DLG2: variants seen among roughly 807,000 people sequenced by gnomAD.
DLG2 encodes disks large homolog 2.
A neutral mutation model predicts 132.5 loss-of-function variants in DLG2; 45 were observed. That is an observed-to-expected ratio of 0.34 (90% CI 0.27 to 0.44). The LOEUF (loss-of-function observed/expected upper bound fraction) is 0.44, where lower values mean the gene tolerates loss of function less well. Ranked by LOEUF, DLG2 falls within the 20% of genes least tolerant of loss-of-function variation. The probability of loss-of-function intolerance (pLI) is 1.00; values close to 1 mark genes in which losing one functional copy is unlikely to be tolerated. For missense variants in DLG2, 1,045 were observed against 1,196.9 expected (o/e 0.87, Z 1.87); for synonymous variants, 424 against 419.6 (o/e 1.01, Z -0.13).
intron 7 of DLG2, among the ~76,000 whole-genome samples, chr11:84,425,531 T>G (rs1456112472): frequency 1.3e-5 from 2 of 152,158 alleles, no homozygotes; most frequent in African/African-American, 4.8e-5. Flanking sequence ...TTGTAAATTC[T>G]ACATATACAT....
intron 7 of DLG2, among the ~76,000 whole-genome samples, chr11:84,353,799 T>C (rs2098595828): frequency 6.6e-6 from 1 of 152,150 alleles, no homozygotes; most frequent in South Asian, 2.1e-4. Flanking sequence ...CTGATTCCTC[T>C]GTTTGTAACA....
chr11:84,539,514 G>T lies in DLG2; in HGVS notation c.358-4783C>A, dbSNP rs78606702. On this transcript the variant is annotated intron_variant, in intron 6 of 27. Coordinates refer to ENST00000376104, the MANE Select transcript of DLG2 (RefSeq NM_001142699.3). The stretch of plus-strand genomic sequence containing the variant: ...GCCATTGGCAGAAGGCCTCTGTATT[G>T]CAGTCTGTGCTTTCTTCTTTTTCTC... Among the ~76,000 whole-genome samples the T allele has an allele frequency of 5.9e-5, 9 of 152,256 alleles. No individual in the cohort carries two copies. In the East Asian group the frequency reaches 1.5e-3, roughly 26 times the overall value.
At chr11:83,489,519 T>C (rs541116987) in intron 21 of DLG2, among the ~76,000 whole-genome samples, 1 of 151,854 alleles carries the variant, frequency 6.6e-6, no homozygotes, top group Admixed American at 6.6e-5. Flanking sequence ...ACCAAACCCA[T>C]CTGTGATACT....
intron 16 of DLG2, among the ~76,000 whole-genome samples, chr11:83,836,198 G>A (rs1439196618): frequency 6.6e-6 from 1 of 152,118 alleles, no homozygotes; most frequent in Non-Finnish European, 1.5e-5. Context: ...TGGATTAGAT[G>A]AGGATCACAC....
chr11:84,983,839 G>T (rs1179519747), intron 6 of DLG2, among the ~76,000 whole-genome samples: 3 of 152,144 alleles, frequency 2.0e-5, no homozygotes, highest in Admixed American at 6.5e-5. Context: ...TGCATTTATA[G>T]AAATGCAAAA....
Position 85,419,212 on chromosome 11 carries a change from G to C in DLG2, c.41-133847C>G, listed in dbSNP as rs571289568. On this transcript the variant is annotated intron_variant, in intron 3 of 27. Transcript: ENST00000376104. Reference sequence around the variant, plus strand: ...AGTTTGGCTACATATGAAATTCTGGGTTGAAAATTATTTTCTTTAAGAGTG... The same window carrying C: ...AGTTTGGCTACATATGAAATTCTGGCTTGAAAATTATTTTCTTTAAGAGTG... 9.2e-5 allele frequency among the ~76,000 whole-genome samples: 14 copies of C among 152,218 alleles called. 1 individual carries two copies. Among genetic ancestry groups the C allele is most frequent in the African/African-American group, 3.1e-4 (13 of 41,544 alleles).
chr11:85,380,765 A>G (rs1293910546), intron 3 of DLG2, among the ~76,000 whole-genome samples: 1 of 152,226 alleles, frequency 6.6e-6, no homozygotes, highest in African/African-American at 2.4e-5. Context: ...ATTGAAGGCC[A>G]GTTTATTTCT....
chr11:85,126,066 A>G (rs1319094178), intron 5 of DLG2, among the ~76,000 whole-genome samples: 1 of 152,200 alleles, frequency 6.6e-6, no homozygotes, highest in Non-Finnish European at 1.5e-5. Context: ...ATGGTCATCT[A>G]GAAAAAAAAA....
At chr11:85,149,000 T>A (rs2077047764) in intron 5 of DLG2, among the ~76,000 whole-genome samples, 1 of 152,200 alleles carries the variant, frequency 6.6e-6, no homozygotes, top group African/African-American at 2.4e-5. Flanking sequence ...ATTTATTAAA[T>A]ACGGAATCCT....
At chr11:85,253,748 C>T (rs534021053) in intron 4 of DLG2, among the ~76,000 whole-genome samples, 122 of 152,152 alleles carry the variant, frequency 8.0e-4, no homozygotes, top group African/African-American at 2.9e-3. Context: ...TACAAATGAA[C>T]TGAAGATGGT....
intron 10 of DLG2, among the ~76,000 whole-genome samples, chr11:84,062,819 G>C (rs1203966867): frequency 6.6e-6 from 1 of 151,678 alleles, no homozygotes; most frequent in Non-Finnish European, 1.5e-5. Context: ...AAGTATGTCA[G>C]GCCAAACTAG....
intron 3 of DLG2, among the ~76,000 whole-genome samples, chr11:85,499,557 T>A (rs2093747066): frequency 1.3e-5 from 2 of 152,070 alleles, no homozygotes; most frequent in South Asian, 4.1e-4. Flanking sequence ...ACTATGCCAA[T>A]CAATTGAAAA....
intron 6 of DLG2, among the ~76,000 whole-genome samples, chr11:84,634,938 G>A (rs1248725975): frequency 6.6e-6 from 1 of 152,158 alleles, no homozygotes; most frequent in Non-Finnish European, 1.5e-5. Context: ...ACAAGGAAAT[G>A]GAGAGGCAAT....
chr11:84,787,537 C>A (rs1175456331), intron 6 of DLG2, among the ~76,000 whole-genome samples: 1 of 152,162 alleles, frequency 6.6e-6, no homozygotes, highest in African/African-American at 2.4e-5. Context: ...TGCTTATTCC[C>A]TCTGTTCCAC....
chr11:84,893,931 T>C (rs548092299), intron 6 of DLG2, among the ~76,000 whole-genome samples: 43 of 152,316 alleles, frequency 2.8e-4, no homozygotes, highest in Non-Finnish European at 4.9e-4. Flanking sequence ...AGGGTATTTA[T>C]GACCTCGCTG....
chr11:83,864,815 G>GA (rs11320309), intron 16 of DLG2, among the ~76,000 whole-genome samples: 17 of 150,750 alleles, frequency 1.1e-4, no homozygotes, highest in South Asian at 2.1e-4. Flanking sequence ...AATATATGCA[G>GA]AAAAAAAAAC....
At chr11:84,527,000 G>A (rs953746521) in intron 7 of DLG2, among the ~76,000 whole-genome samples, 1 of 151,992 alleles carries the variant, frequency 6.6e-6, no homozygotes, top group Non-Finnish European at 1.5e-5. Context: ...GGATGATCTC[G>A]ATCTCCTGAC....
intron 2 of DLG2, among the ~76,000 whole-genome samples, chr11:85,622,627 GAAA>G (rs113550955): frequency 1.5e-5 from 2 of 129,424 alleles, no homozygotes. Flanking sequence ...TTCCCCAGAG[GAAA>G]AAAAAAAAAA....
At position 84,557,871 on chromosome 11, in the gene DLG2, C is replaced by T. The variant is rs546523151; in HGVS notation, c.358-23140G>A. ...AATTTTTCTAGATATCTGTTCCGTG[C>T]TTTCTCCAATGATCTTACTACAAAG... is the stretch of plus-strand genomic sequence containing the variant. On this transcript the variant is annotated intron_variant, in intron 6 of 27. Transcript: ENST00000376104. Among the ~76,000 whole-genome samples, 137 of 152,158 alleles carry T rather than the reference C, an allele frequency of 9.0e-4. 2 individuals are homozygous for T. The highest frequency in any genetic ancestry group is 2.6e-3 in the African/African-American group (109 of 41,546).
Sources: allele counts gnomAD v4.1 joint callset (sites outside exome capture counted in the v4.1 genomes callset), GRCh38; gene constraint gnomAD v4.1.1; transcripts MANE v1.5; gene names NCBI Gene and HGNC (gene_info 2026-07-23, HGNC 2026-07-21).